The following GABRP variants were observed in gnomAD, a reference collection of about 807,000 sequenced individuals.
GABRP encodes gamma-aminobutyric acid type A receptor subunit pi, also known as gamma-aminobutyric acid receptor subunit pi.
A neutral mutation model predicts 47.8 loss-of-function variants in GABRP; 52 were observed. That is an observed-to-expected ratio of 1.09 (90% CI 0.87 to 1.37). GABRP has a LOEUF of 1.37. Among genes scored for constraint, GABRP ranks in the 40% most tolerant of loss-of-function variants. The pLI is 0.00. For missense variants in GABRP, 525 were observed against 542.8 expected, an observed-to-expected ratio of 0.97 and a Z score of 0.33; for synonymous variants, 221 against 205.8, an observed-to-expected ratio of 1.07 and a Z score of -0.63.
chr5:170,801,924 G>A (rs1765605501), intron 6 of GABRP, among the ~76,000 whole-genome samples: 1 of 152,070 alleles, frequency 6.6e-6, no homozygotes, highest in African/African-American at 2.4e-5. Context: ...CAGCTGGAAT[G>A]GACCAAGAGA....
rs1765959044 is a variant in GABRP, at chr5:170,814,041, C to T, written c.*1783C>T. ...AAATAAATATACCATATTAGCTACCCACCAAATCAAGTGGTCATCTATACA... is the reference window on the plus strand; with the variant it reads ...AAATAAATATACCATATTAGCTACCTACCAAATCAAGTGGTCATCTATACA... On this transcript the variant is annotated 3_prime_UTR_variant, in exon 10 of 10. Transcript: ENST00000265294. 6.6e-6 allele frequency: 1 copy of T among 152,066 alleles called. No individual in the cohort carries two copies. Among genetic ancestry groups the T allele is most frequent in the Admixed American group, 6.5e-5 (1 of 15,270 alleles). The allele number at this position is 152,066 out of a possible 1,614,324, so 9.4% of individuals were successfully genotyped here. A position where few individuals can be genotyped will look rare whatever the true frequency, so the allele number is the denominator to read the frequency against.
At chr5:170,790,191 A>G (rs1020249881) in intron 3 of GABRP, among the ~76,000 whole-genome samples, 3 of 152,204 alleles carry the variant, frequency 2.0e-5, no homozygotes, top group Non-Finnish European at 4.4e-5. Context: ...GAGTGAGGCC[A>G]ACTGCACAGC....
At chr5:170,802,227 C>A (rs865921406) in intron 6 of GABRP, among the ~76,000 whole-genome samples, 2 of 152,064 alleles carry the variant, frequency 1.3e-5, no homozygotes, top group Admixed American at 6.6e-5. Flanking sequence ...CTTAGTAAAC[C>A]GCTCCGAAAT....
intron 9 of GABRP, among the ~76,000 whole-genome samples, chr5:170,811,640 G>A (rs536717506): frequency 3.9e-5 from 6 of 152,254 alleles, no homozygotes; most frequent in East Asian, 3.9e-4. Context: ...GTGAGAGGCC[G>A]AATGGAATTT....
intron 1 of GABRP, among the ~76,000 whole-genome samples, chr5:170,786,969 G>T (rs996647412): frequency 6.7e-6 from 1 of 149,670 alleles, no homozygotes; most frequent in Admixed American, 6.6e-5. Context: ...GAGAAGAAAT[G>T]GGGGGGGACT....
chr5:170,786,044 G>T (rs1765123299), intron 1 of GABRP, among the ~76,000 whole-genome samples: 1 of 152,164 alleles, frequency 6.6e-6, no homozygotes, highest in Non-Finnish European at 1.5e-5. Flanking sequence ...TCCTATTAGA[G>T]GATGCTGTAG....
At chr5:170,792,544 T>A (rs921402176) in intron 3 of GABRP, among the ~76,000 whole-genome samples, 10 of 151,968 alleles carry the variant, frequency 6.6e-5, no homozygotes, top group African/African-American at 2.4e-4. Context: ...GTGGCCTGAG[T>A]GGAATTCAAA....
chr5:170,802,647 T>C (rs777863955), intron 6 of GABRP, among the ~76,000 whole-genome samples: 2 of 152,156 alleles, frequency 1.3e-5, no homozygotes, highest in Non-Finnish European at 2.9e-5. Flanking sequence ...CAGATTCTCC[T>C]GGAAACCTCA....
rs779531058 is a variant in GABRP, at chr5:170,803,065, T to C, written c.542-2651T>C. On this transcript the variant is annotated intron_variant, in intron 6 of 9. Coordinates refer to ENST00000265294, the MANE Select transcript of GABRP (RefSeq NM_014211.3). ...AGGTAGAAACTTGTACTACCCACTT[T>C]CATAGATTTTTTTTTTAATGTGGGA... 2.0e-5 allele frequency among the ~76,000 whole-genome samples: 3 copies of C among 152,170 alleles called. No homozygotes were observed. In the South Asian group the frequency reaches 6.2e-4, roughly 32 times the overall value.
rs1765954567 is a variant in GABRP, at chr5:170,813,878, G to GA, written c.*1624dup. ...AACGGGAATGGGTGGGAGTGCTGGT[G>GA]AAAAGAGGTGAAATGTGGTTGTATG... On this transcript the variant is annotated 3_prime_UTR_variant, in exon 10 of 10. Transcript: ENST00000265294. 1.3e-5 allele frequency: 2 copies of GA among 152,186 alleles called. No homozygotes were observed. The highest frequency in any genetic ancestry group is 4.1e-4 in the South Asian group (2 of 4,820). The allele number at this position is 152,186 out of a possible 1,614,324, so 9.4% of individuals were successfully genotyped here.
chr5:170,813,484 A>G lies in GABRP; in HGVS notation c.*1226A>G, dbSNP rs999372326. On this transcript the variant is annotated 3_prime_UTR_variant, in exon 10 of 10. Coordinates refer to ENST00000265294, the MANE Select transcript of GABRP (RefSeq NM_014211.3). The stretch of plus-strand genomic sequence containing the variant: ...TGAGTACTGAACTTTCTGAGTAACA[A>G]TGAGATACGTTACAGAACCTATGTT... 5 of 152,240 alleles carry G rather than the reference A, an allele frequency of 3.3e-5. No individual in the cohort carries two copies. Among genetic ancestry groups the G allele is most frequent in the African/African-American group, 1.2e-4 (5 of 41,442 alleles). The allele number at this position is 152,240 out of a possible 1,614,324, so 9.4% of individuals were successfully genotyped here. A position where few individuals can be genotyped will look rare whatever the true frequency, so the allele number is the denominator to read the frequency against.
At position 170,808,592 on chromosome 5, in the gene GABRP, C is replaced by T. The variant is rs757710741; in HGVS notation, c.680-8C>T. The stretch of plus-strand genomic sequence containing the variant: ...ACACAATTTCCTATCTGTTGTTTAC[C>T]CTTTCAGGAAATTACACTAGATTGG... On this transcript the variant is annotated splice_polypyrimidine_tract_variant and splice_region_variant and intron_variant, in intron 7 of 9. Coordinates refer to ENST00000265294, the MANE Select transcript of GABRP (RefSeq NM_014211.3). 6.2e-7 allele frequency: 1 copy of T among 1,612,292 alleles called. No homozygotes were observed. Among genetic ancestry groups the T allele is most frequent in the East Asian group, 2.2e-5 (1 of 44,850 alleles).
intron 5 of GABRP, 132 bp from the exon 6 acceptor site, chr5:170,797,334 A>T: frequency 1.5e-6 from 1 of 658,856 alleles, no homozygotes; most frequent in Non-Finnish European, 2.8e-6. Context: ...AGGATGCTTT[A>T]CATGCAGACT....
chr5:170,793,321 T>C (rs1021641976), intron 3 of GABRP, among the ~76,000 whole-genome samples: 6 of 152,128 alleles, frequency 3.9e-5, no homozygotes, highest in Non-Finnish European at 7.3e-5. Flanking sequence ...CACATCTCCA[T>C]ATAAAGAGAA....
intron 4 of GABRP, 77 bp downstream of exon 4, chr5:170,794,375 CAAAAA>C (rs34296291): frequency 0.013 from 3,446 of 257,792 alleles, no homozygotes; most frequent in South Asian, 0.023. Context: ...TCTAGCCGCT[CAAAAA>C]AAAAAAAAAA....
At chr5:170,796,570 T>C (rs1206788534) in intron 5 of GABRP, among the ~76,000 whole-genome samples, 1 of 152,196 alleles carries the variant, frequency 6.6e-6, no homozygotes, top group Non-Finnish European at 1.5e-5. Flanking sequence ...GTTACTTGAC[T>C]CTCAGAGCCT....
intron 7 of GABRP, among the ~76,000 whole-genome samples, chr5:170,807,484 T>C (rs1765766014): frequency 6.6e-6 from 1 of 152,124 alleles, no homozygotes; most frequent in African/African-American, 2.4e-5. Flanking sequence ...AGTCAAATGT[T>C]GATTCTAAGG....
chr5:170,793,012 T>C (rs1765318685), intron 3 of GABRP, among the ~76,000 whole-genome samples: 1 of 152,136 alleles, frequency 6.6e-6, no homozygotes, highest in Admixed American at 6.5e-5. Context: ...GGAAATGCCA[T>C]TATTGAGCGC....
chr5:170,801,417 T>C (rs758724153), intron 6 of GABRP, among the ~76,000 whole-genome samples: 6 of 152,180 alleles, frequency 3.9e-5, no homozygotes, highest in Non-Finnish European at 8.8e-5. Flanking sequence ...TGAGTAACCA[T>C]GTGACGCTTT....
Sources: allele counts gnomAD v4.1 joint callset (sites outside exome capture counted in the v4.1 genomes callset), GRCh38; gene constraint gnomAD v4.1.1; transcripts MANE v1.5; gene names NCBI Gene and HGNC (gene_info 2026-07-23, HGNC 2026-07-21).